The following TTLL9 variants were observed in gnomAD, a reference collection of about 807,000 sequenced individuals.
TTLL9 encodes the protein probable tubulin polyglutamylase TTLL9.
Under a neutral mutation model 65.6 loss-of-function variants are expected in TTLL9, and 47 were observed. The observed-to-expected ratio is 0.72, with a 90% CI of 0.57 to 0.91. The LOEUF is 0.91. TTLL9 is among the 40% of genes least tolerant of loss of function. The pLI, the probability that TTLL9 is intolerant of heterozygous loss-of-function variation, is 0.00. For synonymous variants in TTLL9, 179 were observed against 204.8 expected (o/e 0.87, Z 1.07); for missense variants, 537 against 568.8 (o/e 0.94, Z 0.57).
intron 6 of TTLL9, among the ~76,000 whole-genome samples, chr20:31,911,831 C>CGTGTGTGTGTGT (rs55996863): frequency 2.1e-5 from 3 of 142,228 alleles, no homozygotes; most frequent in African/African-American, 5.3e-5. Flanking sequence ...TGTGTCTGTG[C>CGTGTGTGTGTGT]GTGTGTGTGT....
intron 14 of TTLL9, 163 bp downstream of exon 14, chr20:31,939,429 T>G: frequency 1.4e-6 from 1 of 718,762 alleles, no homozygotes; most frequent in South Asian, 3.3e-5. Flanking sequence ...TTCCTCGTTT[T>G]TAAACTTGGT....
chr20:31,926,123 G>T, intron 10 of TTLL9, 32 bp downstream of exon 10: 1 of 1,498,394 alleles, frequency 6.7e-7, no homozygotes, highest in Non-Finnish European at 9.3e-7. Flanking sequence ...TTCCCTCCGG[G>T]AGCTTCCAGT....
At position 31,870,957 on chromosome 20, in the gene TTLL9, A is replaced by ATTCC; in HGVS notation, c.-6+13_-6+16dup. ...CTGCTTGGAACGGGATAAGTGGGTA[A>ATTCC]TTCCTTCCGATACATCCTCTCCACC... On this transcript the variant is annotated intron_variant, in intron 1 of 14. Transcript: ENST00000535842. This position sits in a 1 kb window ranked among gnomAD's most constrained non-coding sequence, Gnocchi z 6.6. 1.4e-6 allele frequency: 1 copy of ATTCC among 697,662 alleles called. No individual in the cohort carries two copies. The highest frequency in any genetic ancestry group is 2.6e-5 in the East Asian group (1 of 39,166). The allele number at this position is 697,662 out of a possible 1,614,324, so 43.2% of individuals were successfully genotyped here.
rs192604547 is a variant in TTLL9, at chr20:31,922,976, C to G, written c.587C>G (p.Ser196Cys). Residue 196 changes from serine to cysteine, a missense_variant, in exon 8 of 15, where the codon TCT becomes TGT. Physicochemically the swap from Ser to Cys is moderately radical, Grantham distance 112 (BLOSUM62 -1). Transcript: ENST00000535842. The stretch of plus-strand genomic sequence containing the variant: ...TATTACAACTAGGACACAAGAAGCT[C>G]TGACGACCAGAAAGATGATATTCCC... ...IVDWRKDTRS[S>C]DDQKDDIPVE... 2.7e-4 allele frequency: 435 copies of G among 1,613,744 alleles called. No individual in the cohort carries two copies. The African/African-American group carries it at 5.2e-3, about 19-fold the overall frequency.
At chr20:31,898,434 C>G (rs748168853) in intron 3 of TTLL9, 39 bp from the exon 4 acceptor site, 2 of 1,589,222 alleles carry the variant, frequency 1.3e-6, no homozygotes, top group Non-Finnish European at 1.7e-6. Context: ...CTAGGAAAAT[C>G]ATTGATCCTG....
intron 2 of TTLL9, among the ~76,000 whole-genome samples, chr20:31,882,987 A>G (rs2063139967): frequency 6.6e-6 from 1 of 152,218 alleles, no homozygotes. Flanking sequence ...TGGGGAAGAC[A>G]TTGATTGTCT....
rs1414781839 is a variant in TTLL9 at position 31,870,715 on chromosome 20, G to C, written c.-240G>C. ...CCGCCACCTCCGGAGGTGGGGGCGG[G>C]GGCCTTACCCCACCCTGGCACCGGC... On this transcript the variant is annotated 5_prime_UTR_variant, in exon 1 of 15. Coordinates refer to ENST00000535842, the MANE Select transcript of TTLL9 (RefSeq NM_001008409.5). The surrounding 1 kb of genome is among the most constrained non-coding windows in gnomAD (Gnocchi z 6.6). 1 of 699,982 alleles carries C rather than the reference G, an allele frequency of 1.4e-6. No homozygotes were observed. 43.4% of individuals were successfully genotyped at this position (699,982 alleles called of 1,614,324 possible).
At chr20:31,938,425 C>G (rs1308869770) in intron 13 of TTLL9, among the ~76,000 whole-genome samples, 1 of 152,170 alleles carries the variant, frequency 6.6e-6, no homozygotes. Flanking sequence ...CAGGTATCCA[C>G]TATTCCTACC....
chr20:31,925,716 G>C (rs763638258), intron 9 of TTLL9, among the ~76,000 whole-genome samples: 25 of 152,196 alleles, frequency 1.6e-4, no homozygotes, highest in Non-Finnish European at 3.2e-4. Context: ...TAGAATCAAA[G>C]AAGCCTGGTG....
intron 7 of TTLL9, 57 bp downstream of exon 7, chr20:31,919,989 AG>A: frequency 2.1e-6 from 3 of 1,429,530 alleles, no homozygotes; most frequent in Non-Finnish European, 1.9e-6. Flanking sequence ...TGCCAGCAGG[AG>A]GGGCCACTCC....
chr20:31,895,543 T>C (rs999511916), intron 3 of TTLL9, among the ~76,000 whole-genome samples: 1 of 152,348 alleles, frequency 6.6e-6, no homozygotes, highest in Middle Eastern at 3.4e-3. Flanking sequence ...ATTTTTTTAC[T>C]TTTTATTTTT....
At chr20:31,912,813 C>G (rs2063677523) in intron 6 of TTLL9, among the ~76,000 whole-genome samples, 1 of 152,034 alleles carries the variant, frequency 6.6e-6, no homozygotes, top group African/African-American at 2.4e-5. Context: ...CTTAAGCCCT[C>G]AACTGATTAA....
At chr20:31,928,858 T>G (rs536125682) in intron 10 of TTLL9, among the ~76,000 whole-genome samples, 6 of 152,324 alleles carry the variant, frequency 3.9e-5, no homozygotes, top group South Asian at 2.1e-4. Context: ...TGAAAGGATG[T>G]TCGTGATTCA....
rs74746146 is a variant in TTLL9, at chr20:31,880,942, G to A, written c.70-6254G>A. ...TTATCTTGGCTCAGTCGACTTCCTG[G>A]ACTCAAGCGATTTTCCTCCCTCTGC... On this transcript the variant is annotated intron_variant, in intron 2 of 14. Coordinates refer to ENST00000535842, the MANE Select transcript of TTLL9 (RefSeq NM_001008409.5). Among the ~76,000 whole-genome samples, 31 of 149,374 alleles carry A rather than the reference G, an allele frequency of 2.1e-4. 1 individual carries two copies. In the East Asian group the frequency reaches 5.3e-3, roughly 25 times the overall value.
Position 31,943,219 on chromosome 20 carries a change from C to T in TTLL9, c.*198C>T. The T allele has an allele frequency of 1.6e-6, 1 of 607,594 alleles. No homozygotes were observed. The highest frequency in any genetic ancestry group is 1.9e-5 in the South Asian group (1 of 51,874). The allele number at this position is 607,594 out of a possible 1,614,324, so 37.6% of individuals were successfully genotyped here. A position where few individuals can be genotyped will look rare whatever the true frequency, so the allele number is the denominator to read the frequency against. ...TCCAGCCCATCCCCAGGCATCTTTG[C>T]ACCAGGAGACAGCCAATCACTGGGA... On this transcript the variant is annotated 3_prime_UTR_variant, in exon 15 of 15. Coordinates refer to ENST00000535842, the MANE Select transcript of TTLL9 (RefSeq NM_001008409.5).
At chr20:31,908,735 C>A (rs1235333830) in intron 5 of TTLL9, 33 bp downstream of exon 5, 2 of 1,528,758 alleles carry the variant, frequency 1.3e-6, no homozygotes, top group Non-Finnish European at 9.1e-7. Flanking sequence ...ACTGTGCCAA[C>A]CAACTCATGT....
chr20:31,883,976 A>G, intron 2 of TTLL9: 1 of 449,522 alleles, frequency 2.2e-6, no homozygotes, highest in Non-Finnish European at 4.1e-6. Context: ...TAAAAAGCAT[A>G]AATATTGAAA....
chr20:31,943,785 G>A lies in TTLL9; in HGVS notation c.*764G>A, dbSNP rs1304587685. 5 of 456,592 alleles carry A rather than the reference G, an allele frequency of 1.1e-5. No homozygotes were observed. Among genetic ancestry groups the A allele is most frequent in the Non-Finnish European group, 2.2e-5 (5 of 226,986 alleles). 28.3% of individuals were successfully genotyped at this position (456,592 alleles called of 1,614,324 possible). A position where few individuals can be genotyped will look rare whatever the true frequency, so the allele number is the denominator to read the frequency against. ...CTCTAGGCCTTGTGTTTGAGATTGGGAGCTGAGCCAGAAACCGGAAAACCC... is the reference window on the plus strand; with the variant it reads ...CTCTAGGCCTTGTGTTTGAGATTGGAAGCTGAGCCAGAAACCGGAAAACCC... On this transcript the variant is annotated 3_prime_UTR_variant, in exon 15 of 15. Transcript: ENST00000535842.
At chr20:31,915,742 G>T (rs1400144115) in intron 6 of TTLL9, among the ~76,000 whole-genome samples, 2 of 152,094 alleles carry the variant, frequency 1.3e-5, no homozygotes, top group Non-Finnish European at 2.9e-5. Flanking sequence ...TAATGTTTAT[G>T]TCAAAGGGTG....
Sources: allele counts gnomAD v4.1 joint callset (sites outside exome capture counted in the v4.1 genomes callset), GRCh38; gene constraint gnomAD v4.1.1; non-coding constraint Gnocchi (gnomAD v3.1); transcripts MANE v1.5; gene names NCBI Gene and HGNC (gene_info 2026-07-23, HGNC 2026-07-21).